NAT10: variants seen among roughly 807,000 people sequenced by gnomAD.
NAT10 encodes the protein RNA cytidine acetyltransferase.
Under a neutral mutation model 132.2 loss-of-function variants are expected in NAT10, and 109 were observed. That is an observed-to-expected ratio of 0.82 (90% CI 0.71 to 0.97). The LOEUF is 0.97. Among genes scored for constraint, NAT10 ranks in the 50% least tolerant of loss-of-function variants. NAT10 has a pLI of 0.00. For missense variants in NAT10, 1,184 were observed against 1,263.4 expected (o/e 0.94, Z 0.95); for synonymous variants, 479 against 478.0 (o/e 1.00, Z -0.03).
At chr11:34,118,536 GGTA>G (rs1248897789) in intron 8 of NAT10, 33 bp downstream of exon 8, 2 of 1,574,438 alleles carry the variant, frequency 1.3e-6, no homozygotes, top group African/African-American at 2.7e-5. Context: ...CCAACACAAA[GGTA>G]GTAAAACATA....
At chr11:34,124,426 G>T in intron 11 of NAT10, 26 bp downstream of exon 11, 1 of 1,525,194 alleles carries the variant, frequency 6.6e-7, no homozygotes, top group Non-Finnish European at 9.1e-7. Context: ...AGACCCTGAT[G>T]TGCAGGGCCA....
chr11:34,144,085 A>G (rs1451167042), intron 28 of NAT10, among the ~76,000 whole-genome samples: 1 of 152,128 alleles, frequency 6.6e-6, no homozygotes. Flanking sequence ...TCTCTTAACA[A>G]TTAAGGTCCC....
intron 3 of NAT10, among the ~76,000 whole-genome samples, chr11:34,110,702 GTGT>G (rs1851680838): frequency 6.6e-6 from 1 of 151,194 alleles, no homozygotes; most frequent in African/African-American, 2.4e-5. Flanking sequence ...TGAGTTGGAT[GTGT>G]TGTTAACAGG....
chr11:34,120,605 T>C (rs1024590633), intron 8 of NAT10, among the ~76,000 whole-genome samples: 2 of 152,204 alleles, frequency 1.3e-5, no homozygotes, highest in African/African-American at 4.8e-5. Flanking sequence ...TGTCCTTCAG[T>C]GTCACTGGCA....
At position 34,127,462 on chromosome 11, in the gene NAT10, GTA is replaced by G; in HGVS notation, c.1112_1113del (p.Ile371ThrfsTer12). ...VFREHRQTIQ[Y>X]IHPADAVKLG... ...ATAATCTAAATTTTCCTTCCCCATA[GTA>G]TATACATCCTGCAGATGCTGTGAAG... On this transcript the variant is annotated frameshift_variant and splice_region_variant, in exon 12 of 29. Coordinates refer to ENST00000257829, the MANE Select transcript of NAT10 (RefSeq NM_024662.3). LOFTEE classifies it high-confidence loss of function. The G allele has an allele frequency of 1.2e-6, 2 of 1,611,710 alleles. No individual in the cohort carries two copies. Among genetic ancestry groups the G allele is most frequent in the Non-Finnish European group, 1.7e-6 (2 of 1,178,270 alleles).
chr11:34,113,636 C>CAAAA (rs34445882), intron 4 of NAT10, 80 bp from the exon 5 acceptor site: 26 of 906,790 alleles, frequency 2.9e-5, no homozygotes, highest in Middle Eastern at 3.6e-4. Flanking sequence ...GACTCCATCT[C>CAAAA]AAAAAAAAAA....
Position 34,134,570 on chromosome 11 carries a change from A to G in NAT10, c.1895A>G (p.His632Arg). ...SGGRVVRIAV[H>R]PDYQGMGYGS... is the part of the protein sequence containing the mutation. ...GGAAGGGTCGTTCGCATTGCTGTTC[A>G]CCCAGATTATCAAGGGGTAATGTGT... The change falls in exon 18 of 29, where the codon CAC (histidine) becomes CGC (arginine). Residue 632 changes from histidine to arginine, a missense_variant. By Grantham distance (29) the His-to-Arg change is conservative (BLOSUM62 0). Coordinates refer to ENST00000257829, the MANE Select transcript of NAT10 (RefSeq NM_024662.3). The G allele has an allele frequency of 6.2e-7, 1 of 1,614,080 alleles. No individual in the cohort carries two copies. The highest frequency in any genetic ancestry group is 8.5e-7 in the Non-Finnish European group (1 of 1,180,032).
chr11:34,109,283 C>T (rs912980739), intron 3 of NAT10, among the ~76,000 whole-genome samples: 21 of 152,170 alleles, frequency 1.4e-4, no homozygotes, highest in African/African-American at 4.8e-4. Context: ...CTGCTGGCCA[C>T]CCAATACCCT....
In NAT10 at chr11:34,139,303, G is replaced by A; in HGVS notation, c.2308+16G>A. On this transcript the variant is annotated intron_variant, in intron 22 of 28. Coordinates refer to ENST00000257829, the MANE Select transcript of NAT10 (RefSeq NM_024662.3). ...TTCTGGAAAGGTGACTGAGGAGTAG[G>A]GGTTTGGGGGAGACAATGAGGTGAT... 1 of 1,613,794 alleles carries A rather than the reference G, an allele frequency of 6.2e-7. No individual in the cohort carries two copies. Among genetic ancestry groups the A allele is most frequent in the Non-Finnish European group, 8.5e-7 (1 of 1,179,702 alleles).
intron 8 of NAT10, 58 bp downstream of exon 8, chr11:34,118,561 G>C (rs1015161316): frequency 7.0e-7 from 1 of 1,426,326 alleles, no homozygotes. Context: ...CATACGGAGC[G>C]TAACAGAAGC....
At chr11:34,122,432 T>A in intron 8 of NAT10, 27 bp from the exon 9 acceptor site, 4 of 1,613,518 alleles carry the variant, frequency 2.5e-6, no homozygotes, top group Non-Finnish European at 3.4e-6. Flanking sequence ...TTCTTGGAGT[T>A]CACCTAATAT....
chr11:34,123,615 C>G (rs1851934375), intron 9 of NAT10, 147 bp from the exon 10 acceptor site: 1 of 575,530 alleles, frequency 1.7e-6, no homozygotes, highest in African/African-American at 1.9e-5. Flanking sequence ...TACTTTCCTT[C>G]CCAAAAGGTG....
At chr11:34,140,891 G>T (rs1565119787) in intron 24 of NAT10, among the ~76,000 whole-genome samples, 198 bp from the exon 25 acceptor site, 1 of 151,724 alleles carries the variant, frequency 6.6e-6, no homozygotes, top group Non-Finnish European at 1.5e-5. Flanking sequence ...CAGGATAAAA[G>T]TTACTTTGGG....
At chr11:34,113,960 C>T (rs1851743483) in intron 5 of NAT10, 122 bp downstream of exon 5, 1 of 1,168,720 alleles carries the variant, frequency 8.6e-7, no homozygotes, top group African/African-American at 1.6e-5. Flanking sequence ...AGCCTCTGGG[C>T]TAAGAGCTCT....
chr11:34,108,971 C>A, intron 3 of NAT10, 138 bp downstream of exon 3: 1 of 662,584 alleles, frequency 1.5e-6, no homozygotes, highest in South Asian at 2.3e-5. Context: ...GAGCTGATAT[C>A]CTTTCTTCAT....
rs147721000 is a variant in NAT10 at position 34,121,679 on chromosome 11, G to A, written c.781-780G>A. Among the ~76,000 whole-genome samples, 589 of 151,780 alleles carry A rather than the reference G, an allele frequency of 3.9e-3. 2 individuals are homozygous for A. The highest frequency in any genetic ancestry group is 0.013 in the African/African-American group (553 of 41,378). ...GATTGAGATCATCCTGGCCAACATG[G>A]TGAAACCCCGTCTCTACTAAAAATA... is the stretch of plus-strand genomic sequence containing the variant. On this transcript the variant is annotated intron_variant, in intron 8 of 28. Coordinates refer to ENST00000257829, the MANE Select transcript of NAT10 (RefSeq NM_024662.3).
At chr11:34,133,789 T>G (rs1471046187) in intron 16 of NAT10, among the ~76,000 whole-genome samples, 1 of 152,166 alleles carries the variant, frequency 6.6e-6, no homozygotes, top group Non-Finnish European at 1.5e-5. Flanking sequence ...TGGCTTTTAC[T>G]TTTTGGGTCA....
rs747948775 is a variant in NAT10, at chr11:34,139,406, C to A, written c.2330C>A (p.Ala777Asp). 6.2e-7 allele frequency: 1 copy of A among 1,614,058 alleles called. No homozygotes were observed. Among genetic ancestry groups the A allele is most frequent in the African/African-American group, 1.3e-5 (1 of 74,906 alleles). ...ACAGATTTCCGACGGCGGTTCCTAG[C>A]CTTGCTCTCCTACCAGTTCAGTACC... ...FWKDFRRRFL[A>D]LLSYQFSTFS... Residue 777 changes from alanine to aspartate, a missense_variant, in exon 23 of 29, where the codon GCC becomes GAC. Ala to Asp is a moderately radical substitution (Grantham distance 126). Coordinates refer to ENST00000257829, the MANE Select transcript of NAT10 (RefSeq NM_024662.3).
intron 6 of NAT10, among the ~76,000 whole-genome samples, 171 bp from the exon 7 acceptor site, chr11:34,118,009 C>T (rs1363126662): frequency 6.6e-6 from 1 of 152,156 alleles, no homozygotes; most frequent in Non-Finnish European, 1.5e-5. Flanking sequence ...GTTCAGGTGC[C>T]TTGTGGAGGA....
Sources: gnomAD v4.1 joint callset for allele counts (sites outside exome capture counted in the v4.1 genomes callset) on GRCh38, gnomAD v4.1.1 for gene constraint, MANE v1.5 for transcripts, NCBI Gene and HGNC (gene_info 2026-07-23, HGNC 2026-07-21) for gene names.